Variants in NTSR2 observed in about 807,000 individuals in gnomAD.
NTSR2 encodes the protein neurotensin receptor 2, also known as neurotensin receptor type 2.
In NTSR2, 22 loss-of-function variants were observed where a neutral mutation model predicts 24.1. The ratio of observed to expected loss-of-function variants is 0.91; its 90% CI spans 0.65 to 1.30. The LOEUF (loss-of-function observed/expected upper bound fraction) is 1.30, where lower values mean the gene tolerates loss of function less well. NTSR2 is among the 50% of genes most tolerant of loss of function. The pLI is 0.00. For missense variants in NTSR2, 570 were observed against 570.4 expected (o/e 1.00, Z 0.01); for synonymous variants, 291 against 267.0 (o/e 1.09, Z -0.88).
At chr2:11,662,793 C>T (rs750468319) in intron 1 of NTSR2, among the ~76,000 whole-genome samples, 20 of 151,804 alleles carry the variant, frequency 1.3e-4, no homozygotes, top group Non-Finnish European at 2.8e-4. Context: ...AAAAAAAATG[C>T]ATTCAAGAAA....
rs573895321 is a variant in NTSR2 at position 11,662,014 on chromosome 2, T to G, written c.851A>C (p.Lys284Thr). 29 of 1,612,410 alleles carry G rather than the reference T, an allele frequency of 1.8e-5. No individual in the cohort carries two copies. The highest frequency in any genetic ancestry group is 2.5e-5 in the Non-Finnish European group (29 of 1,179,382). Residue 284 changes from lysine (K) to threonine (T), a missense_variant, in exon 2 of 4, where the codon AAA (lysine) becomes ACA (threonine). Transcript: ENST00000306928. The stretch of plus-strand genomic sequence containing the variant: ...GAGGCTGCGGATCCGGCGCACGTCT[T>G]TATGTCTCACCAGGCTGACCTGGCC... ...QGGQVSLVRH[K>T]DVRRIRSLQR...
chr2:11,669,459 C>CGGGCGGGGGGGGGG, intron 1 of NTSR2, 47 bp downstream of exon 1: 1 of 337,896 alleles, frequency 3.0e-6, no homozygotes, highest in Non-Finnish European at 5.3e-6. Context: ...CTCCCAGCAC[C>CGGGCGGGGGGGGGG]GCCCCCCCAC....
Position 11,669,580 on chromosome 2 carries a change from C to T in NTSR2, c.550G>A (p.Asp184Asn). The part of the protein sequence containing the change: ...MGQKHELETA[D>N]GEPEPASRVC... Reference sequence around the variant, plus strand: ...CGCGAGGCGGGCTCCGGCTCCCCGTCCGCCGTCTCGAGTTCGTGCTTCTGC... The same window carrying T: ...CGCGAGGCGGGCTCCGGCTCCCCGTTCGCCGTCTCGAGTTCGTGCTTCTGC... Residue 184 changes from aspartate (D) to asparagine (N), a missense_variant, in exon 1 of 4, where the codon GAC becomes AAC. Transcript: ENST00000306928. 6.3e-7 allele frequency: 1 copy of T among 1,577,878 alleles called. No individual in the cohort carries two copies. Among genetic ancestry groups the T allele is most frequent in the South Asian group, 1.1e-5 (1 of 87,654 alleles).
At chr2:11,669,460 G>GGGGGGGGGGGGGGGGGGGC in intron 1 of NTSR2, 46 bp downstream of exon 1, 4 of 254,724 alleles carry the variant, frequency 1.6e-5, no homozygotes, top group East Asian at 1.1e-4. Flanking sequence ...TCCCAGCACC[G>GGGGGGGGGGGGGGGGGGGC]CCCCCCCACC....
Position 11,658,359 on chromosome 2 carries a change from G to A in NTSR2, c.*120C>T. The A allele has an allele frequency of 2.2e-6, 3 of 1,382,080 alleles. No homozygotes were observed. The South Asian group carries it at 4.2e-5, about 20-fold the overall frequency. 85.6% of individuals were successfully genotyped at this position (1,382,080 alleles called of 1,614,324 possible). On this transcript the variant is annotated 3_prime_UTR_variant, in exon 4 of 4. Coordinates refer to ENST00000306928, the MANE Select transcript of NTSR2 (RefSeq NM_012344.4). ...CTTGATGGTTCTCAGCAGAGCAGGG[G>A]TTGATAGAAGTCGCCCTGGCTGCGA...
intron 1 of NTSR2, 46 bp downstream of exon 1, chr2:11,669,460 G>GGGGGGGGGGGGGGGGCCCCCCCCCCCCC: frequency 3.1e-5 from 8 of 254,722 alleles, no homozygotes; most frequent in Non-Finnish European, 4.8e-5. Flanking sequence ...TCCCAGCACC[G>GGGGGGGGGGGGGGGGCCCCCCCCCCCCC]CCCCCCCACC....
Position 11,658,346 on chromosome 2 carries a change from C to T in NTSR2, c.*133G>A. On this transcript the variant is annotated 3_prime_UTR_variant, in exon 4 of 4. Coordinates refer to ENST00000306928, the MANE Select transcript of NTSR2 (RefSeq NM_012344.4). ...TGGCTTCCCTGCGCTTGATGGTTCT[C>T]AGCAGAGCAGGGGTTGATAGAAGTC... 2 of 1,291,260 alleles carry T rather than the reference C, an allele frequency of 1.5e-6. No homozygotes were observed. The highest frequency in any genetic ancestry group is 4.7e-5 in the East Asian group (2 of 42,966). 80.0% of individuals were successfully genotyped at this position (1,291,260 alleles called of 1,614,324 possible). A position where few individuals can be genotyped will look rare whatever the true frequency, so the allele number is the denominator to read the frequency against.
intron 1 of NTSR2, 54 bp from the exon 2 acceptor site, chr2:11,662,294 G>C (rs1045957919): frequency 1.4e-6 from 2 of 1,432,012 alleles, no homozygotes; most frequent in South Asian, 1.7e-5. Context: ...TGCGGCCCTC[G>C]CCATCTGGCT....
chr2:11,663,859 G>A (rs1039038536), intron 1 of NTSR2, among the ~76,000 whole-genome samples: 6 of 152,122 alleles, frequency 3.9e-5, no homozygotes, highest in African/African-American at 1.4e-4. Flanking sequence ...GAGGACAAGC[G>A]ACAAGAACAC....
Position 11,662,053 on chromosome 2 carries a change from G to A in NTSR2, c.812C>T (p.Thr271Ile), listed in dbSNP as rs1661083803. 3 of 1,613,566 alleles carry A rather than the reference G, an allele frequency of 1.9e-6. No homozygotes were observed. Among genetic ancestry groups the A allele is most frequent in the South Asian group, 1.1e-5 (1 of 91,042 alleles). Residue 271 changes from threonine to isoleucine, a missense_variant, in exon 2 of 4, where the codon ACC becomes ATC. Physicochemically the swap from Thr to Ile is moderately conservative, Grantham distance 89 (BLOSUM62 -1). Transcript: ENST00000306928. Reference sequence around the variant, plus strand: ...GCTGACCTGGCCTCCCTGGATAAAGGTCTTCTTCCATACGATGAAGCTGAG... The same window carrying A: ...GCTGACCTGGCCTCCCTGGATAAAGATCTTCTTCCATACGATGAAGCTGAG... ...GLLSFIVWKK[T>I]FIQGGQVSLV...
Position 11,670,010 on chromosome 2 carries a change from T to TGCGTAGA in NTSR2, c.113_119dup (p.Ile42ArgfsTer220). ...CCGCCGCGCCCAGCGCCCAGATGAG[T>TGCGTAGA]GCGTAGAGCGCGGTGAACAGCACCT... On this transcript the variant is annotated frameshift_variant, in exon 1 of 4. Transcript: ENST00000306928. LOFTEE classifies it high-confidence loss of function. 1.3e-6 allele frequency: 2 copies of TGCGTAGA among 1,517,000 alleles called. No homozygotes were observed. Among genetic ancestry groups the TGCGTAGA allele is most frequent in the Non-Finnish European group, 1.8e-6 (2 of 1,138,182 alleles). The allele number at this position is 1,517,000 out of a possible 1,614,324, so 94.0% of individuals were successfully genotyped here. A position where few individuals can be genotyped will look rare whatever the true frequency, so the allele number is the denominator to read the frequency against.
chr2:11,660,957 C>T (rs1661059424), intron 2 of NTSR2, among the ~76,000 whole-genome samples: 1 of 152,186 alleles, frequency 6.6e-6, no homozygotes, highest in African/African-American at 2.4e-5. Flanking sequence ...ACTGCTACCT[C>T]CCTAAGAGAC....
Position 11,669,665 on chromosome 2 carries a change from C to T in NTSR2, c.465G>A (p.Leu155=). ...GCGAGGCGGCCCACGAGAGCGCCAC[C>T]AGCCACCGGGTCCGGCGTGGCGTCA... The part of the protein sequence containing the change: ...SLLTPRRTRW[L]VALSWAASLG... Residue 155 remains leucine, a synonymous_variant, in exon 1 of 4, where the codon CTG becomes CTA. Transcript: ENST00000306928. The T allele has an allele frequency of 6.5e-7, 1 of 1,545,160 alleles. No homozygotes were observed. Among genetic ancestry groups the T allele is most frequent in the East Asian group, 2.4e-5 (1 of 41,568 alleles).
At chr2:11,658,773 G>T (rs764785562) in intron 3 of NTSR2, 51 bp from the exon 4 acceptor site, 1 of 1,597,486 alleles carries the variant, frequency 6.3e-7, no homozygotes, top group East Asian at 2.2e-5. Context: ...CCTCCTCACA[G>T]TGTCCACTTC....
chr2:11,664,532 A>G (rs936584169), intron 1 of NTSR2, among the ~76,000 whole-genome samples: 3 of 152,186 alleles, frequency 2.0e-5, no homozygotes, highest in African/African-American at 7.2e-5. Flanking sequence ...TTGCTCACAA[A>G]TCAGCAACAC....
At chr2:11,669,460 G>GGGGGCGCCGCCCCCCCCCCCCCCCCCC in intron 1 of NTSR2, 46 bp downstream of exon 1, 1 of 254,726 alleles carries the variant, frequency 3.9e-6, no homozygotes, top group Non-Finnish European at 6.9e-6. Context: ...TCCCAGCACC[G>GGGGGCGCCGCCCCCCCCCCCCCCCCCC]CCCCCCCACC....
chr2:11,662,176 A>G lies in NTSR2; in HGVS notation c.689T>C (p.Val230Ala). The change falls in exon 2 of 4, where the codon GTG (valine) becomes GCG (alanine). Residue 230 changes from valine (V) to alanine (A), a missense_variant. Transcript: ENST00000306928. ...GGAGCAGAGGGCCAGCAGGTGGCTC[A>G]CTGTGACCCCATTCAGGAAAGCAGT... ...ALTAFLNGVT[V>A]SHLLALCSQV... 6.3e-7 allele frequency: 1 copy of G among 1,587,020 alleles called. No homozygotes were observed. The highest frequency in any genetic ancestry group is 1.1e-5 in the South Asian group (1 of 87,798).
intron 1 of NTSR2, among the ~76,000 whole-genome samples, chr2:11,668,081 G>A (rs993342586): frequency 2.6e-5 from 4 of 152,088 alleles, no homozygotes; most frequent in African/African-American, 9.7e-5. Context: ...TATCTGGAAG[G>A]ATTCTGGCCG....
At chr2:11,669,459 C>CCGGGCGGG in intron 1 of NTSR2, 47 bp downstream of exon 1, 1 of 337,892 alleles carries the variant, frequency 3.0e-6, no homozygotes. Flanking sequence ...CTCCCAGCAC[C>CCGGGCGGG]GCCCCCCCAC....
Sources: gnomAD v4.1 joint callset for allele counts (sites outside exome capture counted in the v4.1 genomes callset) on GRCh38, gnomAD v4.1.1 for gene constraint, MANE v1.5 for transcripts, NCBI Gene and HGNC (gene_info 2026-07-23, HGNC 2026-07-21) for gene names.